The following TMEM132C variants were observed in gnomAD, a reference collection of about 807,000 sequenced individuals.
TMEM132C encodes protein phosphatase 1, regulatory subunit 152.
In TMEM132C, 29 loss-of-function variants were observed where a neutral mutation model predicts 61.4. That is an observed-to-expected ratio of 0.47 (90% CI 0.35 to 0.64). The LOEUF is 0.64. TMEM132C is among the 30% of genes least tolerant of loss of function. TMEM132C has a pLI of 0.00. For missense variants in TMEM132C, 1,408 were observed against 1,476.9 expected (o/e 0.95, Z 0.76); for synonymous variants, 656 against 633.1 (o/e 1.04, Z -0.54).
At chr12:128,622,424 G>C (rs1378954823) in intron 4 of TMEM132C, among the ~76,000 whole-genome samples, 1 of 131,352 alleles carries the variant, frequency 7.6e-6, no homozygotes, top group Admixed American at 8.4e-5. Context: ...TCCCAGGGTG[G>C]TCTTTCTTCT....
chr12:128,348,204 A>C (rs191767810), intron 1 of TMEM132C, among the ~76,000 whole-genome samples: 1 of 152,296 alleles, frequency 6.6e-6, no homozygotes, highest in African/African-American at 2.4e-5. Context: ...GGCTGTGGTA[A>C]ATGGAATTAT....
rs961410375 is a variant in TMEM132C, at chr12:128,706,970, C to T, written c.*675C>T. 1 of 152,162 alleles carries T rather than the reference C, an allele frequency of 6.6e-6. No individual in the cohort carries two copies. Among genetic ancestry groups the T allele is most frequent in the African/African-American group, 2.4e-5 (1 of 41,426 alleles). 9.4% of individuals were successfully genotyped at this position (152,162 alleles called of 1,614,324 possible). ...AGCAGTATATTTTTCCTAAATGAAA[C>T]ATAAATTATATTCCTATTCATTAGA... On this transcript the variant is annotated 3_prime_UTR_variant, in exon 9 of 9. Coordinates refer to ENST00000435159, the MANE Select transcript of TMEM132C (RefSeq NM_001136103.3).
At position 128,449,459 on chromosome 12, in the gene TMEM132C, G is replaced by A. The variant is rs1870110119; in HGVS notation, c.974+33839G>A. ...ATTGTGTTAACCTACTCCACTGCTA[G>A]AAACAAGTAGACCAGATAACTTCTT... On this transcript the variant is annotated intron_variant, in intron 2 of 8. Coordinates refer to ENST00000435159, the MANE Select transcript of TMEM132C (RefSeq NM_001136103.3). 3.3e-5 allele frequency among the ~76,000 whole-genome samples: 5 copies of A among 152,198 alleles called. No homozygotes were observed. In the South Asian group the frequency reaches 1.0e-3, roughly 32 times the overall value.
At chr12:128,493,797 A>C (rs1401275360) in intron 2 of TMEM132C, among the ~76,000 whole-genome samples, 1 of 152,204 alleles carries the variant, frequency 6.6e-6, no homozygotes, top group Non-Finnish European at 1.5e-5. Flanking sequence ...ATCTGCAAAC[A>C]GGGACAATTT....
At chr12:128,291,724 C>G (rs1214292330) in intron 1 of TMEM132C, among the ~76,000 whole-genome samples, 1 of 152,192 alleles carries the variant, frequency 6.6e-6, no homozygotes, top group African/African-American at 2.4e-5. Context: ...TTCCCCTGCT[C>G]ACTTCTGGAT....
intron 5 of TMEM132C, among the ~76,000 whole-genome samples, chr12:128,675,223 C>T (rs1403743901): frequency 6.6e-6 from 1 of 152,012 alleles, no homozygotes; most frequent in African/African-American, 2.4e-5. Context: ...GAAGGTGAAC[C>T]TCTCAGGACT....
chr12:128,445,748 G>A (rs1869959151), intron 2 of TMEM132C, among the ~76,000 whole-genome samples: 1 of 152,212 alleles, frequency 6.6e-6, no homozygotes, highest in Admixed American at 6.5e-5. Flanking sequence ...TTGCTGAAAA[G>A]TCTGCGGGGA....
In TMEM132C at chr12:128,306,290, C is replaced by T. The variant is rs181832718; in HGVS notation, c.85+38803C>T. Among the ~76,000 whole-genome samples the T allele has an allele frequency of 2.0e-5, 3 of 149,808 alleles. No homozygotes were observed. The South Asian group carries it at 6.3e-4, about 32-fold the overall frequency. On this transcript the variant is annotated intron_variant, in intron 1 of 8. Transcript: ENST00000435159. ...CGATCTCAGCTCACTGCAAGCTCTGCCCCCCGGGTTCTGCCATACTCCTGC... is the reference window on the plus strand; with the variant it reads ...CGATCTCAGCTCACTGCAAGCTCTGTCCCCCGGGTTCTGCCATACTCCTGC...
chr12:128,313,543 G>A lies in TMEM132C; in HGVS notation c.85+46056G>A, dbSNP rs568407753. Among the ~76,000 whole-genome samples the A allele has an allele frequency of 3.9e-5, 6 of 152,332 alleles. No homozygotes were observed. In the East Asian group the frequency reaches 7.7e-4, roughly 20 times the overall value. ...TATTAACAGTGAGCTGAGAACACGT[G>A]TGATAGGGGGATTAAGGACTTGCTG... On this transcript the variant is annotated intron_variant, in intron 1 of 8. Coordinates refer to ENST00000435159, the MANE Select transcript of TMEM132C (RefSeq NM_001136103.3).
intron 4 of TMEM132C, among the ~76,000 whole-genome samples, chr12:128,659,043 G>A (rs914702947): frequency 3.9e-5 from 6 of 152,240 alleles, no homozygotes; most frequent in African/African-American, 1.2e-4. Context: ...GAGGCCTTTG[G>A]AGGAAAGAGG....
chr12:128,415,246 C>T lies in TMEM132C; in HGVS notation c.600C>T (p.Leu200=), dbSNP rs768497188. The T allele has an allele frequency of 6.2e-7, 1 of 1,607,828 alleles. No homozygotes were observed. The highest frequency in any genetic ancestry group is 8.5e-7 in the Non-Finnish European group (1 of 1,177,214). Residue 200 remains leucine, a synonymous_variant, in exon 2 of 9, where the codon CTC becomes CTT. Coordinates refer to ENST00000435159, the MANE Select transcript of TMEM132C (RefSeq NM_001136103.3). The surrounding 1 kb of genome is among the most constrained non-coding windows in gnomAD (Gnocchi z 5.8). ...GGCTGTGTGTGGCTGAGCTGGAGCT[C>T]CTGTCCAGCTGGTTCAGTGCCCCGA... ...DLGLCVAELE[L]LSSWFSAPTV...
Position 128,272,224 on chromosome 12 carries a change from A to C in TMEM132C, c.85+4737A>C, listed in dbSNP as rs1357086467. Among the ~76,000 whole-genome samples, 5 of 152,154 alleles carry C rather than the reference A, an allele frequency of 3.3e-5. No individual in the cohort carries two copies. The East Asian group carries it at 9.6e-4, about 29-fold the overall frequency. Reference sequence around the variant, plus strand: ...CCTCCAGTCCTGGCAACCACTGATTAGTTATTTGTCTCTAGAGTTTTACCT... The same window carrying C: ...CCTCCAGTCCTGGCAACCACTGATTCGTTATTTGTCTCTAGAGTTTTACCT... On this transcript the variant is annotated intron_variant, in intron 1 of 8. Transcript: ENST00000435159.
intron 1 of TMEM132C, among the ~76,000 whole-genome samples, chr12:128,378,565 A>G (rs745361718): frequency 6.6e-6 from 1 of 152,190 alleles, no homozygotes; most frequent in Non-Finnish European, 1.5e-5. Context: ...GCCTACATCA[A>G]AGCACTAATT....
At chr12:128,592,539 C>T (rs1382439454) in intron 3 of TMEM132C, among the ~76,000 whole-genome samples, 1 of 152,152 alleles carries the variant, frequency 6.6e-6, no homozygotes, top group Non-Finnish European at 1.5e-5. Flanking sequence ...GGAAGTTATC[C>T]CCATAGATTT....
chr12:128,275,565 A>G (rs1249657840), intron 1 of TMEM132C, among the ~76,000 whole-genome samples: 1 of 152,108 alleles, frequency 6.6e-6, no homozygotes, highest in Admixed American at 6.5e-5. Context: ...ATAGAGATAA[A>G]ATGCACAATA....
At chr12:128,333,324 G>A (rs185378586) in intron 1 of TMEM132C, among the ~76,000 whole-genome samples, 1 of 152,174 alleles carries the variant, frequency 6.6e-6, no homozygotes, top group African/African-American at 2.4e-5. Context: ...GTATGTGTGT[G>A]CGAGTGTTGT....
At chr12:128,462,717 A>C (rs752954907) in intron 2 of TMEM132C, among the ~76,000 whole-genome samples, 26 of 152,144 alleles carry the variant, frequency 1.7e-4, no homozygotes, top group Non-Finnish European at 3.5e-4. Context: ...GGGAGCAAAA[A>C]TGTCCACAGG....
At position 128,605,084 on chromosome 12, in the gene TMEM132C, GTAGA is replaced by G. The variant is rs201845609; in HGVS notation, c.1122-11066_1122-11063del. 9.0e-3 allele frequency among the ~76,000 whole-genome samples: 1,362 copies of G among 152,032 alleles called. 26 individuals are homozygous for G. Among genetic ancestry groups the G allele is most frequent in the African/African-American group, 0.031 (1,295 of 41,436 alleles). ...TACATAGATGACAGATTATGGATAG[GTAGA>G]TGGATGGATGAATAGACAGATAAAT... is the stretch of plus-strand genomic sequence containing the variant. On this transcript the variant is annotated intron_variant, in intron 3 of 8. Coordinates refer to ENST00000435159, the MANE Select transcript of TMEM132C (RefSeq NM_001136103.3).
intron 2 of TMEM132C, among the ~76,000 whole-genome samples, chr12:128,488,680 A>G (rs532033166): frequency 4.0e-5 from 6 of 151,602 alleles, no homozygotes; most frequent in African/African-American, 9.7e-5. Flanking sequence ...ATAGAAAGAT[A>G]TTATAAATAT....
Sources: allele counts gnomAD v4.1 joint callset (sites outside exome capture counted in the v4.1 genomes callset), GRCh38; gene constraint gnomAD v4.1.1; non-coding constraint Gnocchi (gnomAD v3.1); transcripts MANE v1.5; gene names NCBI Gene and HGNC (gene_info 2026-07-23, HGNC 2026-07-21).